ARHGAP29: variants seen among roughly 807,000 people sequenced by gnomAD.
ARHGAP29 encodes Rho GTPase activating protein 29, also known as rho GTPase-activating protein 29.
A neutral mutation model predicts 122.6 loss-of-function variants in ARHGAP29; 43 were observed. That is an observed-to-expected ratio of 0.35 (90% CI 0.27 to 0.45). The LOEUF (loss-of-function observed/expected upper bound fraction) is 0.45, where lower values mean the gene tolerates loss of function less well. Ranked by LOEUF, ARHGAP29 falls within the 20% of genes least tolerant of loss-of-function variation. ARHGAP29 has a pLI of 1.00. For missense variants in ARHGAP29, 1,303 were observed against 1,477.2 expected (o/e 0.88, Z 1.93); for synonymous variants, 506 against 497.1 (o/e 1.02, Z -0.24).
the ARHGAP29 span, among the ~76,000 whole-genome samples, chr1:94,299,585 T>TG: frequency 1.3e-3 from 193 of 152,182 alleles, no homozygotes; most frequent in African/African-American, 4.4e-3. Flanking sequence ...TTTTCGGTGG[T>TG]GGGGGGGAAC....
the ARHGAP29 span, chr1:94,302,679 A>G: frequency 2.2e-6 from 1 of 448,898 alleles, no homozygotes; most frequent in Non-Finnish European, 4.5e-6. Flanking sequence ...GGGCAAGGTC[A>G]TCCCCAAGCC....
chr1:94,240,194 AGT>A (rs1653524934), upstream of ARHGAP29, among the ~76,000 whole-genome samples: 1 of 152,212 alleles, frequency 6.6e-6, no homozygotes, highest in African/African-American at 2.4e-5. Context: ...GAGTCACAAT[AGT>A]TGGCTATTTG....
intron 3 of ARHGAP29, among the ~76,000 whole-genome samples, chr1:94,213,741 C>T (rs1179746241): frequency 1.3e-5 from 2 of 152,170 alleles, no homozygotes; most frequent in African/African-American, 2.4e-5. Flanking sequence ...ATAACTTCAC[C>T]CCTCTGTAAC....
At chr1:94,279,588 A>G (rs1408628289), upstream of ARHGAP29, among the ~76,000 whole-genome samples, 1 of 152,242 alleles carries the variant, frequency 6.6e-6, no homozygotes, top group Non-Finnish European at 1.5e-5. Flanking sequence ...CTTTTCTTCT[A>G]TGGCTAAAAG....
intron 1 of ARHGAP29, among the ~76,000 whole-genome samples, chr1:94,251,569 T>C (rs982526354): frequency 6.6e-6 from 1 of 152,212 alleles, no homozygotes; most frequent in African/African-American, 2.4e-5. Flanking sequence ...AAAAAGATAT[T>C]AGGAAATGAC....
chr1:94,220,039 T>A lies in ARHGAP29; in HGVS notation c.340+219A>T, dbSNP rs568913685. Among the ~76,000 whole-genome samples the A allele has an allele frequency of 3.0e-4, 46 of 152,346 alleles. No homozygotes were observed. The South Asian group carries it at 3.3e-3, about 11-fold the overall frequency. Reference sequence around the variant, plus strand: ...TTGTTTGGTTAAAGTTAAGTCTTTTTAAAGTATTCACTGCCAAATAAAGTT... The same window carrying A: ...TTGTTTGGTTAAAGTTAAGTCTTTTAAAAGTATTCACTGCCAAATAAAGTT... On this transcript the variant is annotated intron_variant, in intron 3 of 22. Coordinates refer to ENST00000260526, the MANE Select transcript of ARHGAP29 (RefSeq NM_004815.4).
Position 94,203,236 on chromosome 1 carries a change from T to C in ARHGAP29, c.763-26A>G, listed in dbSNP as rs764310072. 2.0e-6 allele frequency: 3 copies of C among 1,513,922 alleles called. No individual in the cohort carries two copies. In the South Asian group the frequency reaches 3.6e-5, roughly 18 times the overall value. 93.8% of individuals were successfully genotyped at this position (1,513,922 alleles called of 1,614,324 possible). On this transcript the variant is annotated intron_variant, in intron 8 of 22. Transcript: ENST00000260526. ...CTAAAATTTAAAATTGAAAAGTAAA[T>C]TTTACAATAGAAATGGCACTAGAAT...
chr1:94,177,007 T>C (rs1395233903), intron 22 of ARHGAP29: 2 of 151,820 alleles, frequency 1.3e-5, no homozygotes, highest in Non-Finnish European at 2.9e-5. Context: ...GCTATAACAA[T>C]GTAGAAATGA....
intron 1 of ARHGAP29, among the ~76,000 whole-genome samples, chr1:94,264,037 C>T (rs996983033): frequency 1.3e-5 from 2 of 152,128 alleles, no homozygotes; most frequent in African/African-American, 4.8e-5. Context: ...TAGTTGAGAT[C>T]CCTAGAAGTG....
chr1:94,188,705 A>G (rs1020618120), intron 15 of ARHGAP29, 132 bp downstream of exon 15: 8 of 762,898 alleles, frequency 1.0e-5, no homozygotes, highest in Admixed American at 2.9e-5. Context: ...TTTAAAAACT[A>G]TTTTTTAAAT....
the ARHGAP29 span, among the ~76,000 whole-genome samples, chr1:94,303,535 C>G: frequency 6.6e-6 from 1 of 152,080 alleles, no homozygotes; most frequent in Middle Eastern, 3.2e-3. Flanking sequence ...ACCCCCTGAA[C>G]TATACACTTA....
chr1:94,212,049 C>T (rs547741375), intron 3 of ARHGAP29, among the ~76,000 whole-genome samples: 65 of 152,204 alleles, frequency 4.3e-4, no homozygotes, highest in African/African-American at 1.5e-3. Flanking sequence ...GAGACCGAGG[C>T]GGGAGGATCA....
intron 3 of ARHGAP29, among the ~76,000 whole-genome samples, chr1:94,212,070 G>C (rs189302919): frequency 6.6e-6 from 1 of 152,302 alleles, no homozygotes; most frequent in Non-Finnish European, 1.5e-5. Context: ...CCTGAGGTCA[G>C]GAGTTTGAGA....
chr1:94,231,188 A>G (rs72962392), intron 2 of ARHGAP29, among the ~76,000 whole-genome samples: 3,757 of 152,076 alleles, frequency 0.025, 99 homozygotes, highest in East Asian at 0.098. Flanking sequence ...TCTTTTTTGT[A>G]TTCTTATTCC....
intron 1 of ARHGAP29, among the ~76,000 whole-genome samples, chr1:94,257,161 T>C (rs1654391009): frequency 6.6e-6 from 1 of 151,784 alleles, no homozygotes; most frequent in African/African-American, 2.4e-5. Flanking sequence ...CCCAGCACTT[T>C]GGGAGGCTGA....
chr1:94,220,768 T>C (rs1652245994), intron 2 of ARHGAP29, among the ~76,000 whole-genome samples: 2 of 152,158 alleles, frequency 1.3e-5, no homozygotes, highest in South Asian at 4.1e-4. Context: ...CTTAGGCATA[T>C]AAAGATCATC....
the ARHGAP29 span, among the ~76,000 whole-genome samples, chr1:94,310,848 C>T: frequency 1.3e-5 from 2 of 152,142 alleles, no homozygotes; most frequent in Non-Finnish European, 2.9e-5. Context: ...GGGTCCAAGA[C>T]CTCACTTTCA....
chr1:94,279,666 C>A (rs1655290113), upstream of ARHGAP29, among the ~76,000 whole-genome samples: 1 of 152,224 alleles, frequency 6.6e-6, no homozygotes, highest in African/African-American at 2.4e-5. Flanking sequence ...CTGTGACTCA[C>A]TGAATAAGTA....
upstream of ARHGAP29, among the ~76,000 whole-genome samples, chr1:94,240,528 A>G (rs1475752747): frequency 6.6e-6 from 1 of 152,228 alleles, no homozygotes; most frequent in Non-Finnish European, 1.5e-5. Flanking sequence ...TTCTTGGTCT[A>G]TAATAAAATT....
Sources: allele counts gnomAD v4.1 joint callset (sites outside exome capture counted in the v4.1 genomes callset), GRCh38; gene constraint gnomAD v4.1.1; transcripts MANE v1.5; gene names NCBI Gene and HGNC (gene_info 2026-07-23, HGNC 2026-07-21).